Variants in MYO18B observed in about 807,000 individuals in gnomAD.
MYO18B encodes the protein unconventional myosin-XVIIIb.
MYO18B carries 204 observed loss-of-function variants against 273.0 expected under a neutral mutation model. The observed-to-expected ratio is 0.75, with a 90% CI of 0.67 to 0.84. The LOEUF is 0.84. MYO18B is among the 40% of genes least tolerant of loss of function. MYO18B has a pLI of 0.00. For synonymous variants in MYO18B, 1,330 were observed against 1,305.7 expected, an observed-to-expected ratio of 1.02 and a Z score of -0.40; for missense variants, 3,212 against 3,287.6, an observed-to-expected ratio of 0.98 and a Z score of 0.56.
chr22:25,901,274 G>A (rs2146336811), intron 29 of MYO18B: 1 of 152,340 alleles, frequency 6.6e-6, no homozygotes, highest in East Asian at 1.9e-4. Flanking sequence ...CAAACCCCAT[G>A]CCCACTTCTG....
At chr22:25,907,419 A>G (rs1029070874) in intron 31 of MYO18B, among the ~76,000 whole-genome samples, 1 of 152,198 alleles carries the variant, frequency 6.6e-6, no homozygotes, top group African/African-American at 2.4e-5. Flanking sequence ...GTTGCCAGGG[A>G]GGGAGGGGAT....
chr22:25,743,475 G>A (rs1404242365), intron 1 of MYO18B, among the ~76,000 whole-genome samples: 2 of 152,020 alleles, frequency 1.3e-5, no homozygotes, highest in Non-Finnish European at 2.9e-5. Flanking sequence ...AGAAAAGAAG[G>A]AAGAGGAGGA....
At chr22:26,008,263 C>G (rs888960919) in intron 42 of MYO18B, among the ~76,000 whole-genome samples, 3 of 152,282 alleles carry the variant, frequency 2.0e-5, no homozygotes, top group Middle Eastern at 3.4e-3. Context: ...AACACACATT[C>G]TTATAAACAT....
intron 34 of MYO18B, among the ~76,000 whole-genome samples, chr22:25,925,568 T>C (rs1313386619): frequency 1.3e-5 from 2 of 152,164 alleles, no homozygotes; most frequent in Admixed American, 1.3e-4. Context: ...CATCACATGA[T>C]GGCCCAGGGG....
At chr22:25,845,112 T>G (rs907557877) in intron 18 of MYO18B, among the ~76,000 whole-genome samples, 1 of 152,166 alleles carries the variant, frequency 6.6e-6, no homozygotes, top group Non-Finnish European at 1.5e-5. Context: ...ATGTCTGATC[T>G]AAGAAGGCTT....
At chr22:26,029,581 T>C (rs1241080188) in intron 43 of MYO18B, among the ~76,000 whole-genome samples, 1 of 152,228 alleles carries the variant, frequency 6.6e-6, no homozygotes, top group African/African-American at 2.4e-5. Flanking sequence ...ACATCTTGTC[T>C]CTGCCATTCC....
At chr22:25,796,327 G>T (rs934087847) in intron 11 of MYO18B, among the ~76,000 whole-genome samples, 1 of 152,176 alleles carries the variant, frequency 6.6e-6, no homozygotes, top group Non-Finnish European at 1.5e-5. Context: ...GCTCACGCCT[G>T]TAATCCCAGC....
At chr22:25,936,007 C>T (rs997847207) in intron 34 of MYO18B, among the ~76,000 whole-genome samples, 1 of 152,172 alleles carries the variant, frequency 6.6e-6, no homozygotes. Context: ...CGACATGTGT[C>T]GAGTTCATAC....
the MYO18B span, among the ~76,000 whole-genome samples, chr22:26,047,003 A>G: frequency 6.6e-6 from 1 of 152,190 alleles, no homozygotes; most frequent in East Asian, 1.9e-4. Flanking sequence ...GCTTCCTCCA[A>G]CCGTGGTGGT....
chr22:25,787,580 G>A (rs1309874638), intron 11 of MYO18B, among the ~76,000 whole-genome samples: 1 of 152,144 alleles, frequency 6.6e-6, no homozygotes, highest in Non-Finnish European at 1.5e-5. Context: ...AGAGTTGGGG[G>A]CATATCAGAG....
chr22:25,758,767 T>G lies in MYO18B; in HGVS notation c.-109-2217T>G, dbSNP rs112723336. Among the ~76,000 whole-genome samples, 838 of 151,848 alleles carry G rather than the reference T, an allele frequency of 5.5e-3. 8 individuals are homozygous for G. The highest frequency in any genetic ancestry group is 0.019 in the African/African-American group (791 of 41,378). ...TTTTTGGGGGTGATGAGAATTTTTT[T>G]TTTTTTTGGAGACAGAGTCTCACTC... On this transcript the variant is annotated intron_variant, in intron 1 of 43. Coordinates refer to ENST00000335473, the MANE Select transcript of MYO18B (RefSeq NM_032608.7).
chr22:25,777,904 C>A, intron 8 of MYO18B, 123 bp downstream of exon 8: 1 of 938,526 alleles, frequency 1.1e-6, no homozygotes, highest in Non-Finnish European at 1.5e-6. Context: ...TATGTGCAGA[C>A]CCCATGCTTG....
At chr22:26,039,034 T>C in the MYO18B span, among the ~76,000 whole-genome samples, 1 of 152,312 alleles carries the variant, frequency 6.6e-6, no homozygotes, top group Middle Eastern at 3.4e-3. Context: ...TGGAGTCTGA[T>C]ATTCGAGGTA....
At chr22:25,853,586 G>C (rs142470519) in intron 21 of MYO18B, among the ~76,000 whole-genome samples, 24 of 152,320 alleles carry the variant, frequency 1.6e-4, no homozygotes, top group African/African-American at 5.8e-4. Flanking sequence ...ACTTCATTCA[G>C]AGGGGCTGAA....
chr22:25,852,680 G>A (rs932366393), intron 21 of MYO18B, among the ~76,000 whole-genome samples: 3 of 152,182 alleles, frequency 2.0e-5, no homozygotes, highest in African/African-American at 7.2e-5. Context: ...AAGATGAAGT[G>A]GCACTCCTGA....
intron 40 of MYO18B, among the ~76,000 whole-genome samples, chr22:25,994,978 G>T (rs963174564): frequency 6.6e-6 from 1 of 152,116 alleles, no homozygotes; most frequent in Non-Finnish European, 1.5e-5. Context: ...GGAGGCGGAG[G>T]GTCCATGCTT....
At chr22:25,830,693 G>A (rs1362493007) in intron 15 of MYO18B, among the ~76,000 whole-genome samples, 1 of 152,196 alleles carries the variant, frequency 6.6e-6, no homozygotes, top group African/African-American at 2.4e-5. Flanking sequence ...TGGACTTGAG[G>A]CCTGCACAGA....
chr22:25,875,289 C>G (rs2091159709), intron 23 of MYO18B, among the ~76,000 whole-genome samples: 1 of 152,234 alleles, frequency 6.6e-6, no homozygotes, highest in South Asian at 2.1e-4. Flanking sequence ...GGGCATGTGA[C>G]TTTACCTCTC....
At chr22:25,952,536 T>C in intron 38 of MYO18B, 113 bp downstream of exon 38, 1 of 1,361,524 alleles carries the variant, frequency 7.3e-7, no homozygotes, top group Non-Finnish European at 1.0e-6. Flanking sequence ...CATCTAGATA[T>C]ACATTACTCA....
Sources: allele counts gnomAD v4.1 joint callset (sites outside exome capture counted in the v4.1 genomes callset), GRCh38; gene constraint gnomAD v4.1.1; transcripts MANE v1.5; gene names NCBI Gene and HGNC (gene_info 2026-07-23, HGNC 2026-07-21).